MACROD1: variants seen among roughly 807,000 people sequenced by gnomAD.
MACROD1 encodes the protein ADP-ribose glycohydrolase MACROD1.
In MACROD1, 31 loss-of-function variants were observed where a neutral mutation model predicts 41.4. The observed-to-expected ratio is 0.75, with a 90% confidence interval of 0.56 to 1.01. MACROD1 has a LOEUF of 1.01. Ranked by LOEUF, MACROD1 falls within the 50% of genes least tolerant of loss-of-function variation. The pLI is 0.00. For missense variants in MACROD1, 473 were observed against 460.0 expected (o/e 1.03, Z -0.26); for synonymous variants, 252 against 203.4 (o/e 1.24, Z -2.03).
At chr11:64,133,990 C>T (rs1256777718) in intron 3 of MACROD1, among the ~76,000 whole-genome samples, 1 of 152,172 alleles carries the variant, frequency 6.6e-6, no homozygotes, top group Non-Finnish European at 1.5e-5. Flanking sequence ...AGGTAAGTGC[C>T]CAGGCAAAGG....
At chr11:64,034,067 G>A (rs965123256) in intron 3 of MACROD1, among the ~76,000 whole-genome samples, 1 of 152,234 alleles carries the variant, frequency 6.6e-6, no homozygotes, top group Non-Finnish European at 1.5e-5. Context: ...CTCTGTGCCA[G>A]CTCTGTGGCT....
At chr11:64,049,512 G>C (rs952336699) in intron 3 of MACROD1, among the ~76,000 whole-genome samples, 2 of 152,210 alleles carry the variant, frequency 1.3e-5, no homozygotes, top group Non-Finnish European at 1.5e-5. Flanking sequence ...CCTTCCCCAG[G>C]CCACACCTCC....
In MACROD1 at chr11:64,002,717, C is replaced by T. The variant is rs142194460; in HGVS notation, c.548-2374G>A. On this transcript the variant is annotated intron_variant, in intron 4 of 10. Transcript: ENST00000255681. ...AGGCCCAAAGGACCCCTCCCACACA[C>T]ACTCCCAGAGTCCCCTTAGCTCTGC... is the stretch of plus-strand genomic sequence containing the variant. Among the ~76,000 whole-genome samples the T allele has an allele frequency of 5.2e-3, 789 of 152,332 alleles. 4 individuals are homozygous for T. The highest frequency in any genetic ancestry group is 9.3e-3 in the Non-Finnish European group (632 of 68,016).
intron 3 of MACROD1, among the ~76,000 whole-genome samples, chr11:64,085,880 G>A (rs1944384889): frequency 6.6e-6 from 1 of 152,212 alleles, no homozygotes; most frequent in Non-Finnish European, 1.5e-5. Flanking sequence ...CCTGGGGGGT[G>A]AGGAAAGGGG....
chr11:64,077,675 C>T (rs531911419), intron 3 of MACROD1, among the ~76,000 whole-genome samples: 1 of 152,312 alleles, frequency 6.6e-6, no homozygotes, highest in South Asian at 2.1e-4. Flanking sequence ...CCCCACCTGC[C>T]GTGCCCCCTT....
chr11:64,017,446 T>C (rs943086617), intron 3 of MACROD1, among the ~76,000 whole-genome samples: 4 of 152,138 alleles, frequency 2.6e-5, no homozygotes, highest in East Asian at 1.9e-4. Flanking sequence ...AGCAGCAGAA[T>C]TGGAAGAGTC....
At chr11:64,098,256 C>T (rs1400686906) in intron 3 of MACROD1, among the ~76,000 whole-genome samples, 1 of 152,224 alleles carries the variant, frequency 6.6e-6, no homozygotes, top group African/African-American at 2.4e-5. Flanking sequence ...ATTCAGAGCG[C>T]CCCTAAGGCC....
intron 3 of MACROD1, chr11:64,118,994 T>C (rs914044610): frequency 6.0e-6 from 1 of 167,170 alleles, no homozygotes; most frequent in African/African-American, 2.4e-5. Flanking sequence ...CCACGCTCCG[T>C]AGAAGCCCCG....
chr11:64,113,410 G>T (rs1362672493), intron 3 of MACROD1, among the ~76,000 whole-genome samples: 2 of 128,174 alleles, frequency 1.6e-5, no homozygotes, highest in African/African-American at 5.2e-5. Flanking sequence ...GAATGGACAG[G>T]TTGATGCATG....
chr11:64,021,306 G>A (rs951423649), intron 3 of MACROD1, among the ~76,000 whole-genome samples: 2 of 152,254 alleles, frequency 1.3e-5, no homozygotes, highest in Non-Finnish European at 2.9e-5. Context: ...GACAGGGGCT[G>A]CTCCAAGGGC....
chr11:64,119,663 CT>C (rs1293550964), intron 3 of MACROD1, among the ~76,000 whole-genome samples: 2 of 152,154 alleles, frequency 1.3e-5, no homozygotes, highest in Non-Finnish European at 1.5e-5. Context: ...GGGCCCACCC[CT>C]GGGACTCTGT....
At chr11:64,033,232 G>A (rs1943316902) in intron 3 of MACROD1, among the ~76,000 whole-genome samples, 1 of 152,214 alleles carries the variant, frequency 6.6e-6, no homozygotes, top group Admixed American at 6.5e-5. Flanking sequence ...ATCCAGCAGG[G>A]CCCGATTCAC....
chr11:64,049,927 G>A (rs1389930697), intron 3 of MACROD1, among the ~76,000 whole-genome samples: 1 of 152,218 alleles, frequency 6.6e-6, no homozygotes, highest in Non-Finnish European at 1.5e-5. Context: ...CCCCGGGGGG[G>A]AGGCCAAACC....
intron 3 of MACROD1, among the ~76,000 whole-genome samples, chr11:64,077,901 C>A (rs909030653): frequency 1.3e-5 from 2 of 152,222 alleles, no homozygotes; most frequent in Non-Finnish European, 2.9e-5. Context: ...ATGTTTAGGC[C>A]CTTAGACCCT....
chr11:64,077,366 G>A (rs1181160528), intron 3 of MACROD1, among the ~76,000 whole-genome samples: 1 of 152,168 alleles, frequency 6.6e-6, no homozygotes, highest in Non-Finnish European at 1.5e-5. Context: ...GGGAATTGGG[G>A]GCCCCTGTCA....
chr11:64,114,374 T>G (rs1944931255), intron 3 of MACROD1, among the ~76,000 whole-genome samples: 1 of 87,532 alleles, frequency 1.1e-5, no homozygotes, highest in African/African-American at 3.1e-5. Context: ...GGTGCATGTA[T>G]GAATGGATGG....
intron 3 of MACROD1, among the ~76,000 whole-genome samples, chr11:64,136,697 T>G (rs1249753594): frequency 6.6e-6 from 1 of 152,330 alleles, no homozygotes; most frequent in East Asian, 1.9e-4. Context: ...CCCGGGTGGC[T>G]TCCAGGAGCC....
intron 1 of MACROD1, among the ~76,000 whole-genome samples, chr11:64,153,333 C>T (rs890151843): frequency 4.6e-5 from 7 of 152,196 alleles, no homozygotes; most frequent in Admixed American, 3.3e-4. Flanking sequence ...GCAGCCCCCA[C>T]GGCAAACAGC....
At chr11:64,066,294 C>CAAAAAA (rs59963244) in intron 3 of MACROD1, among the ~76,000 whole-genome samples, 1 of 50,942 alleles carries the variant, frequency 2.0e-5, no homozygotes, top group Non-Finnish European at 4.3e-5. Flanking sequence ...GAGACTGTCT[C>CAAAAAA]AAAAAAAAAA....
Sources: gnomAD v4.1 joint callset for allele counts (sites outside exome capture counted in the v4.1 genomes callset) on GRCh38, gnomAD v4.1.1 for gene constraint, MANE v1.5 for transcripts, NCBI Gene and HGNC (gene_info 2026-07-23, HGNC 2026-07-21) for gene names.